Variants in TMOD3 observed in about 807,000 individuals in gnomAD.
TMOD3 encodes tropomodulin 3, also known as tropomodulin-3.
A neutral mutation model predicts 39.2 loss-of-function variants in TMOD3; 20 were observed. The ratio of observed to expected loss-of-function variants is 0.51; its 90% confidence interval spans 0.36 to 0.74. The LOEUF (loss-of-function observed/expected upper bound fraction) is 0.74, where lower values mean the gene tolerates loss of function less well. TMOD3 is among the 30% of genes least tolerant of loss of function. The probability of loss-of-function intolerance (pLI) is 0.00; values close to 1 mark genes in which losing one functional copy is unlikely to be tolerated. For missense variants in TMOD3, 381 were observed against 412.8 expected, an observed-to-expected ratio of 0.92 and a Z score of 0.67; for synonymous variants, 143 against 145.8, an observed-to-expected ratio of 0.98 and a Z score of 0.14.
At chr15:51,844,336 A>T (rs189900280) in intron 1 of TMOD3, among the ~76,000 whole-genome samples, 67 of 152,322 alleles carry the variant, frequency 4.4e-4, no homozygotes, top group African/African-American at 1.6e-3. Context: ...AGTGGGTCAC[A>T]GTTGAGGAAT....
rs1441770289 is a variant in TMOD3, at chr15:51,911,659, A to G, written c.*2849A>G. On this transcript the variant is annotated 3_prime_UTR_variant, in exon 10 of 10. Transcript: ENST00000308580. Reference sequence around the variant, plus strand: ...ATATTCTTTGTGTTTTTAAATTGCTATTTTTAAAAAAGCTTTTTATTACCC... The same window carrying G: ...ATATTCTTTGTGTTTTTAAATTGCTGTTTTTAAAAAAGCTTTTTATTACCC... 1.3e-5 allele frequency: 2 copies of G among 152,132 alleles called. No individual in the cohort carries two copies. Among genetic ancestry groups the G allele is most frequent in the African/African-American group, 4.8e-5 (2 of 41,440 alleles). 9.4% of individuals were successfully genotyped at this position (152,132 alleles called of 1,614,324 possible).
chr15:51,873,808 GACGGGGTTTC>G (rs945156328), intron 3 of TMOD3, among the ~76,000 whole-genome samples: 3 of 152,060 alleles, frequency 2.0e-5, no homozygotes, highest in African/African-American at 7.2e-5. Context: ...TTTTAGTAGA[GACGGGGTTTC>G]ACCATGTTGG....
intron 3 of TMOD3, among the ~76,000 whole-genome samples, chr15:51,877,368 T>C (rs2056509813): frequency 6.6e-6 from 1 of 152,124 alleles, no homozygotes; most frequent in Admixed American, 6.5e-5. Context: ...TTTGATTCTT[T>C]GGAGTCTTGC....
At chr15:51,905,027 A>G (rs1008790335) in intron 9 of TMOD3, among the ~76,000 whole-genome samples, 4 of 152,232 alleles carry the variant, frequency 2.6e-5, no homozygotes, top group Non-Finnish European at 5.9e-5. Flanking sequence ...AAATGACAAT[A>G]AGCACATTCC....
chr15:51,830,089 A>G (rs2141660993), intron 1 of TMOD3, among the ~76,000 whole-genome samples: 1 of 151,960 alleles, frequency 6.6e-6, no homozygotes, highest in East Asian at 2.0e-4. Context: ...TTCCCAGTGA[A>G]TCACCCGCGG....
At chr15:51,902,641 TGTA>T (rs1208961675) in intron 9 of TMOD3, among the ~76,000 whole-genome samples, 1 of 116,952 alleles carries the variant, frequency 8.6e-6, no homozygotes, top group Non-Finnish European at 1.7e-5. Context: ...AGCTAATTTT[TGTA>T]TTTTTTTTTT....
In TMOD3 at chr15:51,869,166, T is replaced by G. The variant is rs372009536; in HGVS notation, c.127-51T>G. On this transcript the variant is annotated intron_variant, in intron 2 of 9. Coordinates refer to ENST00000308580, the MANE Select transcript of TMOD3 (RefSeq NM_014547.5). ...TATATGGGTAATCTTCGGAAGCATA[T>G]AGCATTAGCATTCTTATTGGTCATA... 17 of 1,584,394 alleles carry G rather than the reference T, an allele frequency of 1.1e-5. No homozygotes were observed. In the African/African-American group the frequency reaches 2.3e-4, roughly 22 times the overall value.
At position 51,864,264 on chromosome 15, in the gene TMOD3, CA is replaced by C. The variant is rs33983902; in HGVS notation, c.126+1273del. 1.6e-3 allele frequency among the ~76,000 whole-genome samples: 169 copies of C among 104,014 alleles called. No homozygotes were observed. In the East Asian group the frequency reaches 0.024, roughly 15 times the overall value. The allele number at this position is 104,014 out of a possible 152,430, so 68.2% of individuals were successfully genotyped here. A position where few individuals can be genotyped will look rare whatever the true frequency, so the allele number is the denominator to read the frequency against. ...TTGGGTGACAGAGCAAGACTTATCTCAAAAAAAAAAAAAAAAAAACTGGAAA... is the reference window on the plus strand; with the variant it reads ...TTGGGTGACAGAGCAAGACTTATCTCAAAAAAAAAAAAAAAAAACTGGAAA... On this transcript the variant is annotated intron_variant, in intron 2 of 9. Transcript: ENST00000308580.
intron 5 of TMOD3, chr15:51,892,431 A>G (rs1317061203): frequency 6.6e-6 from 1 of 152,250 alleles, no homozygotes; most frequent in Non-Finnish European, 1.5e-5. Context: ...CAAGGATTTC[A>G]GGTCCTCTGT....
chr15:51,870,358 TCTTA>T (rs1017881284), intron 3 of TMOD3, among the ~76,000 whole-genome samples: 3 of 152,222 alleles, frequency 2.0e-5, no homozygotes, highest in Non-Finnish European at 4.4e-5. Flanking sequence ...CTACGTTCAC[TCTTA>T]CTTGGAATAC....
At chr15:51,863,164 T>G (rs1476827072) in intron 2 of TMOD3, among the ~76,000 whole-genome samples, 154 bp downstream of exon 2, 1 of 152,196 alleles carries the variant, frequency 6.6e-6, no homozygotes, top group African/African-American at 2.4e-5. Context: ...TCTCTCCAGT[T>G]CCCCACTTCT....
intron 3 of TMOD3, 75 bp downstream of exon 3, chr15:51,869,448 C>T: frequency 1.4e-6 from 2 of 1,440,102 alleles, no homozygotes; most frequent in Non-Finnish European, 1.9e-6. Context: ...TGGAGAAAAT[C>T]ATATTTTTAG....
At position 51,915,225 on chromosome 15, in the gene TMOD3, G is replaced by C. The variant is rs930218224; in HGVS notation, c.*6415G>C. On this transcript the variant is annotated 3_prime_UTR_variant, in exon 10 of 10. Coordinates refer to ENST00000308580, the MANE Select transcript of TMOD3 (RefSeq NM_014547.5). ...TGGTGCTTCTTGGTGGGTGTATATA[G>C]CAGTTTTTAGAAGTTTAAATTTCAC... is the stretch of plus-strand genomic sequence containing the variant. The C allele has an allele frequency of 6.6e-6, 1 of 152,036 alleles. No individual in the cohort carries two copies. Among genetic ancestry groups the C allele is most frequent in the African/African-American group, 2.4e-5 (1 of 41,390 alleles). 9.4% of individuals were successfully genotyped at this position (152,036 alleles called of 1,614,324 possible). A position where few individuals can be genotyped will look rare whatever the true frequency, so the allele number is the denominator to read the frequency against.
chr15:51,900,912 A>G (rs1362586373), intron 8 of TMOD3: 1 of 152,188 alleles, frequency 6.6e-6, no homozygotes, highest in African/African-American at 2.4e-5. Context: ...GGTTTTTAGT[A>G]TATTTGTAGA....
chr15:51,893,635 G>A (rs1278502843), intron 5 of TMOD3, among the ~76,000 whole-genome samples, 180 bp from the exon 6 acceptor site: 1 of 151,894 alleles, frequency 6.6e-6, no homozygotes, highest in Non-Finnish European at 1.5e-5. Context: ...CGTGGTGGCA[G>A]GCACCTGTAG....
chr15:51,851,889 A>C (rs909450072), intron 1 of TMOD3, among the ~76,000 whole-genome samples: 4 of 152,240 alleles, frequency 2.6e-5, no homozygotes, highest in Non-Finnish European at 5.9e-5. Context: ...CTATTAGCGT[A>C]GTCCTAGGCT....
At chr15:51,880,497 C>T (rs1295461875) in intron 3 of TMOD3, among the ~76,000 whole-genome samples, 1 of 152,184 alleles carries the variant, frequency 6.6e-6, no homozygotes, top group Non-Finnish European at 1.5e-5. Flanking sequence ...CCTTCATCCC[C>T]ATTCCATTCC....
intron 5 of TMOD3, 63 bp from the exon 6 acceptor site, chr15:51,893,752 G>A (rs540556513): frequency 2.4e-5 from 34 of 1,389,898 alleles, no homozygotes; most frequent in East Asian, 5.3e-5. Flanking sequence ...GCGAAAGTGC[G>A]AGACTCCGTC....
intron 7 of TMOD3, among the ~76,000 whole-genome samples, chr15:51,897,738 C>G (rs748331315): frequency 1.3e-5 from 2 of 148,654 alleles, no homozygotes; most frequent in Non-Finnish European, 3.0e-5. Context: ...CCACCTCAAC[C>G]TCCCAAAGTG....
Sources: allele counts gnomAD v4.1 joint callset (sites outside exome capture counted in the v4.1 genomes callset), GRCh38; gene constraint gnomAD v4.1.1; transcripts MANE v1.5; gene names NCBI Gene and HGNC (gene_info 2026-07-23, HGNC 2026-07-21).